The following ITPR1 variants were observed in gnomAD, a reference collection of about 807,000 sequenced individuals.
The protein encoded by ITPR1 is inositol 1,4,5-trisphosphate-gated calcium channel ITPR1.
In ITPR1, 96 loss-of-function variants were observed where a neutral mutation model predicts 318.4. The ratio of observed to expected loss-of-function variants is 0.30; its 90% CI spans 0.26 to 0.36. ITPR1 has a LOEUF of 0.36. Ranked by LOEUF, ITPR1 falls within the 10% of genes least tolerant of loss-of-function variation. The probability of loss-of-function intolerance (pLI) is 1.00; values close to 1 mark genes in which losing one functional copy is unlikely to be tolerated. For synonymous variants in ITPR1, 1,312 were observed against 1,289.9 expected, an observed-to-expected ratio of 1.02 and a Z score of -0.37; for missense variants, 2,440 against 3,460.2, an observed-to-expected ratio of 0.71 and a Z score of 7.40.
At chr3:4,715,534 C>G (rs533920275) in intron 39 of ITPR1, among the ~76,000 whole-genome samples, 2 of 152,270 alleles carry the variant, frequency 1.3e-5, no homozygotes, top group South Asian at 4.1e-4. Context: ...TGTCTGGGTC[C>G]AGTGCCCCCA....
At chr3:4,728,384 C>G (rs2042673439) in intron 42 of ITPR1, among the ~76,000 whole-genome samples, 2 of 152,160 alleles carry the variant, frequency 1.3e-5, no homozygotes, top group African/African-American at 4.8e-5. Flanking sequence ...TCATGGAGTT[C>G]AAAAATGACC....
intron 45 of ITPR1, among the ~76,000 whole-genome samples, chr3:4,767,728 A>G (rs376833888): frequency 7.5e-4 from 114 of 152,342 alleles, no homozygotes; most frequent in African/African-American, 2.5e-3. Flanking sequence ...GAATCTCACT[A>G]TGTTGCCCAA....
chr3:4,634,831 T>TG (rs1262864528), intron 5 of ITPR1, among the ~76,000 whole-genome samples: 1 of 152,120 alleles, frequency 6.6e-6, no homozygotes, highest in Non-Finnish European at 1.5e-5. Context: ...CTCCACCTCC[T>TG]GGGTTCAAGT....
intron 4 of ITPR1, among the ~76,000 whole-genome samples, chr3:4,539,199 G>A (rs1350313138): frequency 6.6e-6 from 1 of 152,048 alleles, no homozygotes; most frequent in East Asian, 1.9e-4. Context: ...TTATTTAGAA[G>A]TATTTTTATA....
At chr3:4,657,990 A>T in intron 12 of ITPR1, 134 bp from the exon 13 acceptor site, 1 of 765,346 alleles carries the variant, frequency 1.3e-6, no homozygotes, top group Non-Finnish European at 2.1e-6. Flanking sequence ...ACTGCTCTGT[A>T]ACTGTGGTCC....
At chr3:4,798,994 G>C (rs2048058830) in intron 53 of ITPR1, among the ~76,000 whole-genome samples, 1 of 152,214 alleles carries the variant, frequency 6.6e-6, no homozygotes, top group East Asian at 1.9e-4. Flanking sequence ...AAAATGTTCT[G>C]TATCTTGACT....
chr3:4,814,247 G>A, intron 57 of ITPR1, 176 bp from the exon 58 acceptor site: 1 of 677,072 alleles, frequency 1.5e-6, no homozygotes, highest in Non-Finnish European at 2.6e-6. Context: ...GATGAAAACA[G>A]TTGCCCCAGA....
intron 26 of ITPR1, among the ~76,000 whole-genome samples, chr3:4,682,674 A>G (rs1338570173): frequency 6.6e-6 from 1 of 152,208 alleles, no homozygotes; most frequent in African/African-American, 2.4e-5. Context: ...CATTTTCCTC[A>G]TAGTGAACAG....
At position 4,720,171 on chromosome 3, in the gene ITPR1, G is replaced by A. The variant is rs560714070; in HGVS notation, c.5136+2772G>A. On this transcript the variant is annotated intron_variant, in intron 40 of 61. Coordinates refer to ENST00000649015, the MANE Select transcript of ITPR1 (RefSeq NM_001378452.1). Reference sequence around the variant, plus strand: ...TTACGTCCAGGGGGATTTGGATACAGTGGTGCCCCAAATGGGCACAGTGTC... The same window carrying A: ...TTACGTCCAGGGGGATTTGGATACAATGGTGCCCCAAATGGGCACAGTGTC... 9.2e-5 allele frequency among the ~76,000 whole-genome samples: 14 copies of A among 152,224 alleles called. 1 individual carries two copies. The highest frequency in any genetic ancestry group is 2.1e-4 in the Non-Finnish European group (14 of 68,038).
intron 28 of ITPR1, among the ~76,000 whole-genome samples, 185 bp from the exon 29 acceptor site, chr3:4,684,096 C>A (rs2094348375): frequency 6.6e-6 from 1 of 152,198 alleles, no homozygotes; most frequent in Non-Finnish European, 1.5e-5. Context: ...ATGGCCCAGC[C>A]CACTACTATC....
chr3:4,805,633 G>C (rs2048506413), intron 54 of ITPR1, among the ~76,000 whole-genome samples: 1 of 152,132 alleles, frequency 6.6e-6, no homozygotes, highest in African/African-American at 2.4e-5. Context: ...TAGGAGCATT[G>C]AAAGGCAAGA....
rs752325769 is a variant in ITPR1 at position 4,658,141 on chromosome 3, C to T, written c.1014C>T (p.Asp338=). The T allele has an allele frequency of 2.3e-5, 37 of 1,612,482 alleles. No individual in the cohort carries two copies. The Admixed American group carries it at 2.3e-4, about 10-fold the overall frequency. ...CTCCTCAGGTGGACCCTGATCAGGA[C>T]GCCTCTCGAAGTAGGTTGCGGAATG... ...EFQPSVDPDQ[D]ASRSRLRNAQ... The change falls in exon 13 of 62, where the codon GAC becomes GAT. Residue 338 remains aspartate (D), a synonymous_variant. Transcript: ENST00000649015.
At chr3:4,510,914 C>T (rs2081768805) in intron 2 of ITPR1, among the ~76,000 whole-genome samples, 1 of 152,084 alleles carries the variant, frequency 6.6e-6, no homozygotes, top group Non-Finnish European at 1.5e-5. Flanking sequence ...GAAAACAGCA[C>T]AGGCAAGGGC....
chr3:4,577,984 A>T (rs2088865067), intron 4 of ITPR1, among the ~76,000 whole-genome samples: 1 of 152,232 alleles, frequency 6.6e-6, no homozygotes, highest in Non-Finnish European at 1.5e-5. Context: ...CTTGAAGGAT[A>T]GTTGCATTTT....
At chr3:4,830,582 A>G (rs894124484) in intron 60 of ITPR1, among the ~76,000 whole-genome samples, 6 of 152,162 alleles carry the variant, frequency 3.9e-5, no homozygotes, top group Non-Finnish European at 5.9e-5. Flanking sequence ...GAGGGTTTAA[A>G]TACATGGGGA....
At position 4,788,132 on chromosome 3, in the gene ITPR1, A is replaced by G; in HGVS notation, c.6801A>G (p.Lys2267=). The part of the protein sequence containing the change: ...DLFNEMNWQK[K]LRAQPVLYWC... ...TCAATGAAATGAATTGGCAGAAGAA[A>G]CTGAGAGGTGGGTTCCAACGCATCA... is the stretch of plus-strand genomic sequence containing the variant. Residue 2267 remains lysine, a synonymous_variant, in exon 52 of 62, where the codon AAA becomes AAG. Coordinates refer to ENST00000649015, the MANE Select transcript of ITPR1 (RefSeq NM_001378452.1). 1 of 1,600,284 alleles carries G rather than the reference A, an allele frequency of 6.2e-7. No individual in the cohort carries two copies. The highest frequency in any genetic ancestry group is 1.1e-5 in the South Asian group (1 of 88,194).
chr3:4,715,561 G>T (rs2041705806), intron 39 of ITPR1, among the ~76,000 whole-genome samples: 1 of 152,170 alleles, frequency 6.6e-6, no homozygotes. Context: ...GCCTGTTCAA[G>T]AACTATCATG....
Position 4,669,791 on chromosome 3 carries a change from G to A in ITPR1, c.2006+18G>A. ...GAGACCAAGTGAGTGGGGAGCCAGG[G>A]TTTAGATGGAAAACATGGGGTTCAT... is the stretch of plus-strand genomic sequence containing the variant. On this transcript the variant is annotated intron_variant, in intron 19 of 61. Transcript: ENST00000649015. The A allele has an allele frequency of 6.3e-7, 1 of 1,597,280 alleles. No homozygotes were observed. The highest frequency in any genetic ancestry group is 8.5e-7 in the Non-Finnish European group (1 of 1,170,238).
intron 17 of ITPR1, 128 bp from the exon 18 acceptor site, chr3:4,667,249 C>G: frequency 1.6e-6 from 1 of 635,792 alleles, no homozygotes; most frequent in Non-Finnish European, 2.6e-6. Flanking sequence ...GGAAGACCCT[C>G]CCTTATACTG....
Sources: allele counts gnomAD v4.1 joint callset (sites outside exome capture counted in the v4.1 genomes callset), GRCh38; gene constraint gnomAD v4.1.1; transcripts MANE v1.5; gene names NCBI Gene and HGNC (gene_info 2026-07-23, HGNC 2026-07-21).